The following PHACTR4 variants were observed in gnomAD, a reference collection of about 807,000 sequenced individuals.
PHACTR4 encodes the protein phosphatase and actin regulator 4.
In PHACTR4, 51 loss-of-function variants were observed where a neutral mutation model predicts 72.7. The observed-to-expected ratio is 0.70, with a 90% CI of 0.56 to 0.89. The LOEUF is 0.89. Ranked by LOEUF, PHACTR4 falls within the 40% of genes least tolerant of loss-of-function variation. PHACTR4 has a pLI of 0.00. For missense variants in PHACTR4, 731 were observed against 861.8 expected (o/e 0.85, Z 1.90); for synonymous variants, 255 against 302.5 (o/e 0.84, Z 1.63).
intron 2 of PHACTR4, among the ~76,000 whole-genome samples, chr1:28,429,785 T>C (rs1466261182): frequency 1.3e-5 from 2 of 152,190 alleles, no homozygotes; most frequent in Non-Finnish European, 2.9e-5. Flanking sequence ...GTCTGAAGAT[T>C]ACTGCATTTC....
In PHACTR4 at chr1:28,459,219, A is replaced by G. The variant is rs550399400; in HGVS notation, c.151A>G (p.Lys51Glu). The change falls in exon 3 of 14, where the codon AAA becomes GAA. Residue 51 changes from lysine (K) to glutamate (E), a missense_variant. By Grantham distance (56) the Lys-to-Glu change is moderately conservative (BLOSUM62 1). Transcript: ENST00000373839. The part of the protein sequence containing the change: ...GKIFKPWKWR[K>E]KKSSDKFKET... ...GATCTTCAAGCCCTGGAAATGGAGG[A>G]AAAAAAAAAGTAGTGATAAATTTAA... The G allele has an allele frequency of 2.7e-5, 41 of 1,512,640 alleles. No individual in the cohort carries two copies. Among genetic ancestry groups the G allele is most frequent in the Middle Eastern group, 1.8e-4 (1 of 5,678 alleles). 93.7% of individuals were successfully genotyped at this position (1,512,640 alleles called of 1,614,324 possible).
rs183247950 is a variant in PHACTR4, at chr1:28,426,460, C to T, written c.16+18997C>T. Among the ~76,000 whole-genome samples, 956 of 151,974 alleles carry T rather than the reference C, an allele frequency of 6.3e-3. 11 individuals carry two copies. Among genetic ancestry groups the T allele is most frequent in the African/African-American group, 0.022 (909 of 41,450 alleles). Reference sequence around the variant, plus strand: ...GATCACGAGGTCAGGAGATCAAGACCATCTGGCTAACACAGTGAAACCCCA... The same window carrying T: ...GATCACGAGGTCAGGAGATCAAGACTATCTGGCTAACACAGTGAAACCCCA... On this transcript the variant is annotated intron_variant, in intron 2 of 13. Coordinates refer to ENST00000373839, the MANE Select transcript of PHACTR4 (RefSeq NM_001048183.3).
intron 2 of PHACTR4, among the ~76,000 whole-genome samples, chr1:28,412,248 A>G (rs1654838014): frequency 6.6e-6 from 1 of 152,200 alleles, no homozygotes; most frequent in African/African-American, 2.4e-5. Context: ...CTTTTGAGAA[A>G]ATGCCTGTCA....
intron 2 of PHACTR4, among the ~76,000 whole-genome samples, chr1:28,428,962 T>C (rs1302505785): frequency 6.6e-6 from 1 of 152,240 alleles, no homozygotes; most frequent in African/African-American, 2.4e-5. Flanking sequence ...TACATAGTTA[T>C]ATGACTGTAA....
chr1:28,497,180 GTCA>G lies in PHACTR4; in HGVS notation c.*636_*638del, dbSNP rs1453051255. The G allele has an allele frequency of 6.6e-6, 1 of 152,148 alleles. No individual in the cohort carries two copies. The highest frequency in any genetic ancestry group is 2.4e-5 in the African/African-American group (1 of 41,414). The allele number at this position is 152,148 out of a possible 1,614,324, so 9.4% of individuals were successfully genotyped here. On this transcript the variant is annotated 3_prime_UTR_variant, in exon 14 of 14. Coordinates refer to ENST00000373839, the MANE Select transcript of PHACTR4 (RefSeq NM_001048183.3). ...GACATGTTCTTCCTTTTCCTCACAAGTCATCATGATTTTTTATTTTAAAATAAT... is the reference window on the plus strand; with the variant it reads ...GACATGTTCTTCCTTTTCCTCACAAGTCATGATTTTTTATTTTAAAATAAT...
At chr1:28,453,997 C>G (rs1454788930) in intron 2 of PHACTR4, 7 of 458,784 alleles carry the variant, frequency 1.5e-5, no homozygotes, top group Non-Finnish European at 2.5e-5. Flanking sequence ...GGGAGGATCC[C>G]TTGAGCTCAG....
intron 9 of PHACTR4, 93 bp downstream of exon 9, chr1:28,480,697 G>T: frequency 6.6e-7 from 1 of 1,526,706 alleles, no homozygotes; most frequent in Non-Finnish European, 8.9e-7. Context: ...TGTGTGTTTT[G>T]TTTCGTTTTC....
At chr1:28,454,647 T>A (rs1299489824) in intron 2 of PHACTR4, among the ~76,000 whole-genome samples, 1 of 152,144 alleles carries the variant, frequency 6.6e-6, no homozygotes, top group Admixed American at 6.6e-5. Context: ...GGGATCTTAA[T>A]GATTTGTATA....
intron 9 of PHACTR4, among the ~76,000 whole-genome samples, chr1:28,484,792 C>T (rs1466815669): frequency 1.3e-5 from 2 of 151,762 alleles, no homozygotes; most frequent in African/African-American, 4.8e-5. Context: ...ACGGTGAAAC[C>T]CCATCTCTAC....
intron 9 of PHACTR4, among the ~76,000 whole-genome samples, chr1:28,481,205 T>C (rs767612555): frequency 2.6e-5 from 4 of 152,114 alleles, no homozygotes; most frequent in Non-Finnish European, 4.4e-5. Context: ...ATTTTTGTAA[T>C]TTTTTGTAGA....
rs970213553 is a variant in PHACTR4, at chr1:28,453,922, T to C, written c.17-5163T>C. 6 of 764,650 alleles carry C rather than the reference T, an allele frequency of 7.8e-6. No individual in the cohort carries two copies. In the African/African-American group the frequency reaches 1.0e-4, roughly 13 times the overall value. 47.4% of individuals were successfully genotyped at this position (764,650 alleles called of 1,614,324 possible). ...GGATGTAATTCAGGCAGGAAAAGAA[T>C]ACATGGAACACGGCCAGGCACGGTG... On this transcript the variant is annotated intron_variant, in intron 2 of 13. Transcript: ENST00000373839.
chr1:28,470,032 C>G (rs1190418675), intron 6 of PHACTR4, among the ~76,000 whole-genome samples: 5 of 150,958 alleles, frequency 3.3e-5, no homozygotes, highest in African/African-American at 9.8e-5. Flanking sequence ...GTACTCCAAC[C>G]TAGGCAACAG....
chr1:28,465,605 A>G lies in PHACTR4; in HGVS notation c.272-80A>G, dbSNP rs1193917415. ...GTCTCAATTTAAAAAAGAGAGAGAA[A>G]GAAAAAAAGAAATTACTAACTCTTC... On this transcript the variant is annotated intron_variant, in intron 4 of 13. Transcript: ENST00000373839. The G allele has an allele frequency of 9.2e-6, 13 of 1,411,626 alleles. No homozygotes were observed. The Middle Eastern group carries it at 5.5e-4, about 60-fold the overall frequency. The allele number at this position is 1,411,626 out of a possible 1,614,324, so 87.4% of individuals were successfully genotyped here.
intron 7 of PHACTR4, among the ~76,000 whole-genome samples, chr1:28,475,693 G>T (rs1244786722): frequency 6.8e-6 from 1 of 147,306 alleles, no homozygotes; most frequent in African/African-American, 2.6e-5. Context: ...TTCATCCATA[G>T]ATTTTTTTGT....
chr1:28,421,284 A>G (rs1415710571), intron 2 of PHACTR4, among the ~76,000 whole-genome samples: 1 of 152,104 alleles, frequency 6.6e-6, no homozygotes, highest in Non-Finnish European at 1.5e-5. Flanking sequence ...ACACACTCAC[A>G]TGTTATAATT....
In PHACTR4 at chr1:28,472,218, A is replaced by G. The variant is rs923178657; in HGVS notation, c.824-1336A>G. On this transcript the variant is annotated intron_variant, in intron 6 of 13. Coordinates refer to ENST00000373839, the MANE Select transcript of PHACTR4 (RefSeq NM_001048183.3). ...ACAAGACTCCGTCTCAAAAAAAAAAAAAAATTAGAGACAGTAGGATGCAGT... is the reference window on the plus strand; with the variant it reads ...ACAAGACTCCGTCTCAAAAAAAAAAGAAAATTAGAGACAGTAGGATGCAGT... 7.9e-5 allele frequency among the ~76,000 whole-genome samples: 12 copies of G among 152,096 alleles called. No individual in the cohort carries two copies. In the South Asian group the frequency reaches 2.5e-3, roughly 32 times the overall value.
At chr1:28,406,754 T>TGC (rs1265341174) in intron 1 of PHACTR4, among the ~76,000 whole-genome samples, 1 of 152,194 alleles carries the variant, frequency 6.6e-6, no homozygotes, top group Non-Finnish European at 1.5e-5. Flanking sequence ...ATTTGACACT[T>TGC]GCCTTGATTG....
intron 2 of PHACTR4, among the ~76,000 whole-genome samples, chr1:28,442,379 G>A (rs755919558): frequency 6.6e-6 from 1 of 151,000 alleles, no homozygotes; most frequent in Admixed American, 6.6e-5. Context: ...CAGGAGAATC[G>A]CTTGAAACAA....
In PHACTR4 at chr1:28,496,798, C is replaced by A; in HGVS notation, c.*249C>A. On this transcript the variant is annotated 3_prime_UTR_variant, in exon 14 of 14. Transcript: ENST00000373839. ...TTGTAGCATGCTTGAGGAGTTTTTC[C>A]CTTACTGGCCACCAAAGTTCTGAAC... The A allele has an allele frequency of 1.8e-6, 1 of 561,310 alleles. No individual in the cohort carries two copies. Among genetic ancestry groups the A allele is most frequent in the South Asian group, 2.1e-5 (1 of 47,558 alleles). The allele number at this position is 561,310 out of a possible 1,614,324, so 34.8% of individuals were successfully genotyped here.
Sources: gnomAD v4.1 joint callset for allele counts (sites outside exome capture counted in the v4.1 genomes callset) on GRCh38, gnomAD v4.1.1 for gene constraint, MANE v1.5 for transcripts, NCBI Gene and HGNC (gene_info 2026-07-23, HGNC 2026-07-21) for gene names.